The following PPP5C variants were observed in gnomAD, a reference collection of about 807,000 sequenced individuals.
PPP5C encodes the protein serine/threonine-protein phosphatase 5.
A neutral mutation model predicts 66.7 loss-of-function variants in PPP5C; 21 were observed. The observed-to-expected ratio is 0.31, with a 90% CI of 0.22 to 0.45. PPP5C has a LOEUF of 0.45. Among genes scored for constraint, PPP5C ranks in the 20% least tolerant of loss-of-function variants. PPP5C has a pLI of 1.00. For synonymous variants in PPP5C, 246 were observed against 257.4 expected (o/e 0.96, Z 0.43); for missense variants, 464 against 675.9 (o/e 0.69, Z 3.48).
chr19:46,356,981 T>C (rs942212457), intron 2 of PPP5C, among the ~76,000 whole-genome samples: 1 of 152,228 alleles, frequency 6.6e-6, no homozygotes, highest in East Asian at 1.9e-4. Context: ...TCAGCCTTAG[T>C]GTCCTCATCT....
intron 2 of PPP5C, among the ~76,000 whole-genome samples, chr19:46,361,128 A>ATTTTTTTTTTTTTTTTTTTT (rs202038384): frequency 7.5e-6 from 1 of 133,416 alleles, no homozygotes; most frequent in Non-Finnish European, 1.6e-5. Flanking sequence ...AGTGAAAGAA[A>ATTTTTTTTTTTTTTTTTTTT]ATTTTTTTTT....
At chr19:46,357,172 C>CA (rs1173094003) in intron 2 of PPP5C, among the ~76,000 whole-genome samples, 1 of 152,204 alleles carries the variant, frequency 6.6e-6, no homozygotes, top group African/African-American at 2.4e-5. Flanking sequence ...CTCAGCCTCC[C>CA]AAGTAGCTGG....
intron 1 of PPP5C, among the ~76,000 whole-genome samples, chr19:46,351,353 A>G (rs976592861): frequency 3.9e-5 from 6 of 152,144 alleles, no homozygotes; most frequent in Non-Finnish European, 8.8e-5. Context: ...CCCGTGGAGT[A>G]CAGGCTCCTC....
At chr19:46,360,773 T>C (rs971464410) in intron 2 of PPP5C, among the ~76,000 whole-genome samples, 2 of 152,294 alleles carry the variant, frequency 1.3e-5, no homozygotes, top group South Asian at 2.1e-4. Context: ...CAGGATTACA[T>C]GTGTTAGCCA....
chr19:46,390,264 C>T lies in PPP5C; in HGVS notation c.1438-20C>T, dbSNP rs779098158. On this transcript the variant is annotated intron_variant, in intron 12 of 12. Coordinates refer to ENST00000012443, the MANE Select transcript of PPP5C (RefSeq NM_006247.4). ...GCTCTGTTCTGACTTCTGTCCATCC[C>T]ACCTGCCCTGGTCCCACAGCCTCAT... The T allele has an allele frequency of 2.5e-6, 4 of 1,594,208 alleles. No individual in the cohort carries two copies. Among genetic ancestry groups the T allele is most frequent in the South Asian group, 1.1e-5 (1 of 88,718 alleles).
chr19:46,373,344 C>T (rs1014669380), intron 2 of PPP5C, among the ~76,000 whole-genome samples: 1 of 152,238 alleles, frequency 6.6e-6, no homozygotes, highest in Non-Finnish European at 1.5e-5. Flanking sequence ...TGGGTGACTT[C>T]ACCTCCCCGG....
At chr19:46,362,818 C>T (rs1972413186) in intron 2 of PPP5C, among the ~76,000 whole-genome samples, 2 of 151,124 alleles carry the variant, frequency 1.3e-5, no homozygotes, top group African/African-American at 4.9e-5. Flanking sequence ...GATGGGGTCT[C>T]ACTCTGTCGC....
intron 1 of PPP5C, among the ~76,000 whole-genome samples, chr19:46,351,721 A>T (rs759302): frequency 6.6e-6 from 1 of 152,248 alleles, no homozygotes; most frequent in Non-Finnish European, 1.5e-5. Context: ...TGGGCTGCCC[A>T]GTTCTGCCCT....
chr19:46,349,850 G>C (rs946148095), intron 1 of PPP5C, among the ~76,000 whole-genome samples: 7 of 151,842 alleles, frequency 4.6e-5, no homozygotes, highest in Admixed American at 2.0e-4. Flanking sequence ...CGGTACTCCA[G>C]GCAGGGAAAA....
At chr19:46,384,379 C>A in intron 6 of PPP5C, 1 of 250,414 alleles carries the variant, frequency 4.0e-6, no homozygotes, top group Non-Finnish European at 7.9e-6. Context: ...AGTATTTCCC[C>A]GTGTTATGGT....
intron 2 of PPP5C, among the ~76,000 whole-genome samples, chr19:46,370,570 C>T (rs1266150629): frequency 6.6e-6 from 1 of 152,122 alleles, no homozygotes; most frequent in Non-Finnish European, 1.5e-5. Flanking sequence ...CGCTTGGCTT[C>T]TTTTTTCGTC....
intron 2 of PPP5C, among the ~76,000 whole-genome samples, chr19:46,356,347 A>G (rs1383812332): frequency 6.6e-6 from 1 of 152,206 alleles, no homozygotes; most frequent in African/African-American, 2.4e-5. Flanking sequence ...TTCAGGCTCC[A>G]TGTGCCCTGG....
chr19:46,380,531 A>G (rs1456363298), intron 4 of PPP5C, among the ~76,000 whole-genome samples: 1 of 152,098 alleles, frequency 6.6e-6, no homozygotes, highest in African/African-American at 2.4e-5. Context: ...CTTCTTCCAT[A>G]TGTGAGTTTC....
chr19:46,380,761 T>A (rs1413476497), intron 4 of PPP5C, among the ~76,000 whole-genome samples: 3 of 152,242 alleles, frequency 2.0e-5, no homozygotes, highest in African/African-American at 7.2e-5. Context: ...CTCCATTGTT[T>A]CTGTGAGAAC....
intron 2 of PPP5C, among the ~76,000 whole-genome samples, chr19:46,359,993 G>A (rs2147369446): frequency 6.6e-6 from 1 of 152,138 alleles, no homozygotes; most frequent in South Asian, 2.1e-4. Context: ...TGGCCAGGCT[G>A]GTCTTGAACT....
At chr19:46,375,169 G>A (rs1407839262) in intron 2 of PPP5C, among the ~76,000 whole-genome samples, 1 of 152,196 alleles carries the variant, frequency 6.6e-6, no homozygotes, top group Non-Finnish European at 1.5e-5. Context: ...CGTCCAGCAA[G>A]TCATTGGCCC....
chr19:46,351,951 C>T (rs916386372), intron 1 of PPP5C, among the ~76,000 whole-genome samples: 3 of 152,210 alleles, frequency 2.0e-5, no homozygotes, highest in Admixed American at 6.5e-5. Flanking sequence ...CAGGAGTTGG[C>T]GTGGCAAAGA....
chr19:46,381,148 T>C (rs1471419027), intron 4 of PPP5C, among the ~76,000 whole-genome samples: 2 of 152,222 alleles, frequency 1.3e-5, no homozygotes, highest in African/African-American at 4.8e-5. Context: ...GCCCAACAAA[T>C]GAATTATTTA....
At position 46,388,776 on chromosome 19, in the gene PPP5C, GT is replaced by G; in HGVS notation, c.1355+50del. On this transcript the variant is annotated intron_variant, in intron 11 of 12. Coordinates refer to ENST00000012443, the MANE Select transcript of PPP5C (RefSeq NM_006247.4). The surrounding 1 kb of genome is among the most constrained non-coding windows in gnomAD (Gnocchi z 4.9). ...GCCCAGGGCCTCTACCAAGCCACGG[GT>G]TTTTGTCTTGGTTTTTGTTTTGCCT... 6.3e-7 allele frequency: 1 copy of G among 1,580,890 alleles called. No individual in the cohort carries two copies. Among genetic ancestry groups the G allele is most frequent in the Non-Finnish European group, 8.6e-7 (1 of 1,161,986 alleles).
Sources: gnomAD v4.1 joint callset for allele counts (sites outside exome capture counted in the v4.1 genomes callset) on GRCh38, gnomAD v4.1.1 for gene constraint, Gnocchi (gnomAD v3.1) non-coding constraint, MANE v1.5 for transcripts, NCBI Gene and HGNC (gene_info 2026-07-23, HGNC 2026-07-21) for gene names.